Variants in MAP4K5 observed in about 807,000 individuals in gnomAD.
The protein encoded by MAP4K5 is mitogen-activated protein kinase kinase kinase kinase 5, also known as MAPK/ERK kinase kinase kinase 5.
Under a neutral mutation model 135.6 loss-of-function variants are expected in MAP4K5, and 82 were observed. That is an observed-to-expected ratio of 0.60 (90% CI 0.51 to 0.73). The LOEUF is 0.73. Ranked by LOEUF, MAP4K5 falls within the 30% of genes least tolerant of loss-of-function variation. The pLI, the probability that MAP4K5 is intolerant of heterozygous loss-of-function variation, is 0.00. For missense variants in MAP4K5, 907 were observed against 1,010.9 expected, an observed-to-expected ratio of 0.90 and a Z score of 1.39; for synonymous variants, 347 against 335.0, an observed-to-expected ratio of 1.04 and a Z score of -0.39.
chr14:50,493,360 A>G (rs547161015), intron 3 of MAP4K5, among the ~76,000 whole-genome samples: 1 of 152,316 alleles, frequency 6.6e-6, no homozygotes, highest in African/African-American at 2.4e-5. Flanking sequence ...TCCTGTAAGT[A>G]CTATACTTAT....
At chr14:50,436,997 T>C (rs1267504475) in intron 26 of MAP4K5, among the ~76,000 whole-genome samples, 3 of 152,172 alleles carry the variant, frequency 2.0e-5, no homozygotes, top group Non-Finnish European at 4.4e-5. Flanking sequence ...ACTATGAGTA[T>C]AACTGCTTCC....
At chr14:50,494,178 A>AT (rs2037545815) in intron 3 of MAP4K5, among the ~76,000 whole-genome samples, 1 of 150,638 alleles carries the variant, frequency 6.6e-6, no homozygotes, top group Non-Finnish European at 1.5e-5. Context: ...TTATTTATTT[A>AT]TTTTTTTTGA....
intron 32 of MAP4K5, among the ~76,000 whole-genome samples, chr14:50,422,134 A>G (rs942965593): frequency 7.9e-5 from 12 of 152,244 alleles, no homozygotes; most frequent in Admixed American, 6.5e-4. Context: ...GGCATCAGCC[A>G]CTGTGCCCGG....
At chr14:50,559,254 C>T (rs186695870) in intron 1 of MAP4K5, 2 of 152,076 alleles carry the variant, frequency 1.3e-5, no homozygotes, top group African/African-American at 4.8e-5. Flanking sequence ...TCCTAAGAAC[C>T]GATCAGTACA....
chr14:50,488,823 G>A (rs777650453), intron 3 of MAP4K5, among the ~76,000 whole-genome samples: 9 of 152,128 alleles, frequency 5.9e-5, no homozygotes, highest in East Asian at 1.9e-4. Context: ...TATATTCTTC[G>A]TATATCTGCT....
chr14:50,463,675 G>A (rs1347768244), intron 12 of MAP4K5, among the ~76,000 whole-genome samples: 2 of 152,070 alleles, frequency 1.3e-5, no homozygotes, highest in Non-Finnish European at 2.9e-5. Context: ...TTTGAGGTCA[G>A]GAGTTCAAGA....
chr14:50,453,365 T>C (rs1015083976), intron 14 of MAP4K5, among the ~76,000 whole-genome samples: 1 of 151,758 alleles, frequency 6.6e-6, no homozygotes, highest in African/African-American at 2.4e-5. Context: ...TTGCCATTCA[T>C]AAAGCTGAAA....
At chr14:50,530,694 C>G (rs1374096448) in intron 2 of MAP4K5, among the ~76,000 whole-genome samples, 1 of 152,166 alleles carries the variant, frequency 6.6e-6, no homozygotes, top group Non-Finnish European at 1.5e-5. Context: ...AAGGTAAGAG[C>G]CAGAACCTTG....
At chr14:50,494,074 TAA>T (rs1037217984) in intron 3 of MAP4K5, among the ~76,000 whole-genome samples, 14 of 151,872 alleles carry the variant, frequency 9.2e-5, no homozygotes, top group African/African-American at 3.1e-4. Context: ...CTAAAAACTA[TAA>T]AACATTGCTG....
At chr14:50,536,180 C>CA (rs1296685114), upstream of MAP4K5, among the ~76,000 whole-genome samples, 1 of 152,210 alleles carries the variant, frequency 6.6e-6, no homozygotes, top group Non-Finnish European at 1.5e-5. Flanking sequence ...CGCCATGGCC[C>CA]ATGCCTGTAA....
chr14:50,450,304 A>AT (rs1233985362), intron 14 of MAP4K5: 1 of 152,182 alleles, frequency 6.6e-6, no homozygotes, highest in East Asian at 1.9e-4. Flanking sequence ...TCTACATGTA[A>AT]ACATATATAT....
chr14:50,527,003 T>C (rs1429540879), intron 2 of MAP4K5, among the ~76,000 whole-genome samples: 1 of 152,168 alleles, frequency 6.6e-6, no homozygotes, highest in Non-Finnish European at 1.5e-5. Context: ...ATATGCAACT[T>C]AGAATGATTA....
At chr14:50,503,948 C>A (rs2037758219) in intron 3 of MAP4K5, among the ~76,000 whole-genome samples, 1 of 151,810 alleles carries the variant, frequency 6.6e-6, no homozygotes. Flanking sequence ...TTAGGTGGCA[C>A]TTAATAAGAG....
intron 1 of MAP4K5, chr14:50,559,055 C>T (rs1461406558): frequency 6.6e-6 from 1 of 152,176 alleles, no homozygotes; most frequent in Non-Finnish European, 1.5e-5. Context: ...TATAAACACA[C>T]CTCTGGTATA....
At chr14:50,541,668 G>C (rs1033108117) in intron 2 of MAP4K5, among the ~76,000 whole-genome samples, 1 of 152,104 alleles carries the variant, frequency 6.6e-6, no homozygotes, top group Non-Finnish European at 1.5e-5. Flanking sequence ...AAACTGTATG[G>C]AGTCTCTTGC....
At position 50,485,662 on chromosome 14, in the gene MAP4K5, A is replaced by T. The variant is rs1257639831; in HGVS notation, c.258-20T>A. ...TCCCGACTAATACAAAAAAAAAAGA[A>T]AATTATATTAGCTAGTAATTTTCAA... On this transcript the variant is annotated intron_variant, in intron 4 of 32. Transcript: ENST00000682126. 1 of 1,428,248 alleles carries T rather than the reference A, an allele frequency of 7.0e-7. No individual in the cohort carries two copies. The highest frequency in any genetic ancestry group is 2.0e-5 in the Admixed American group (1 of 49,564). 88.5% of individuals were successfully genotyped at this position (1,428,248 alleles called of 1,614,324 possible). A position where few individuals can be genotyped will look rare whatever the true frequency, so the allele number is the denominator to read the frequency against.
intron 2 of MAP4K5, among the ~76,000 whole-genome samples, chr14:50,524,169 T>C (rs575956291): frequency 6.6e-5 from 10 of 152,344 alleles, no homozygotes; most frequent in African/African-American, 2.4e-4. Flanking sequence ...ACTTAAAGAA[T>C]GGTAACTGAA....
chr14:50,434,575 C>CA lies in MAP4K5; in HGVS notation c.1987-5dup, dbSNP rs768309381. 143 of 1,565,528 alleles carry CA rather than the reference C, an allele frequency of 9.1e-5. No individual in the cohort carries two copies. The highest frequency in any genetic ancestry group is 1.2e-4 in the South Asian group (10 of 84,572). On this transcript the variant is annotated splice_region_variant and splice_polypyrimidine_tract_variant and intron_variant, in intron 27 of 32. Transcript: ENST00000682126. The stretch of plus-strand genomic sequence containing the variant: ...TTGGCAAAGGAAAATCAAAGTGCTG[C>CA]AAAAAAAATAAACAATAGAGCCATA...
intron 1 of MAP4K5, among the ~76,000 whole-genome samples, chr14:50,547,857 A>T (rs1375352027): frequency 1.3e-5 from 2 of 152,168 alleles, no homozygotes; most frequent in Non-Finnish European, 2.9e-5. Context: ...TTCACTTGGG[A>T]GGGCCAATAA....
Sources: allele counts gnomAD v4.1 joint callset (sites outside exome capture counted in the v4.1 genomes callset), GRCh38; gene constraint gnomAD v4.1.1; transcripts MANE v1.5; gene names NCBI Gene and HGNC (gene_info 2026-07-23, HGNC 2026-07-21).